PDSS2: variants seen among roughly 807,000 people sequenced by gnomAD.
PDSS2 encodes the protein decaprenyl diphosphate synthase subunit 2.
Under a neutral mutation model 44.5 loss-of-function variants are expected in PDSS2, and 31 were observed. That is an observed-to-expected ratio of 0.70 (90% CI 0.52 to 0.94). The LOEUF is 0.94. Ranked by LOEUF, PDSS2 falls within the 40% of genes least tolerant of loss-of-function variation. The pLI is 0.00. For missense variants in PDSS2, 452 were observed against 482.2 expected (o/e 0.94, Z 0.59); for synonymous variants, 157 against 180.3 (o/e 0.87, Z 1.03).
chr6:107,397,983 C>A (rs1780000241), intron 1 of PDSS2, among the ~76,000 whole-genome samples: 1 of 152,116 alleles, frequency 6.6e-6, no homozygotes. Context: ...GGTAAAAAAA[C>A]CCACTCAAAA....
chr6:107,401,491 A>G (rs1480224683), intron 1 of PDSS2, among the ~76,000 whole-genome samples: 1 of 152,352 alleles, frequency 6.6e-6, no homozygotes, highest in Non-Finnish European at 1.5e-5. Flanking sequence ...AGGAATCAGC[A>G]TAACACTGAA....
chr6:107,363,749 T>C (rs1024684426), intron 1 of PDSS2, among the ~76,000 whole-genome samples: 5 of 152,194 alleles, frequency 3.3e-5, no homozygotes, highest in Admixed American at 6.5e-5. Context: ...TAGAGCCGAG[T>C]GGCCTGTTTT....
chr6:107,156,196 C>CTTT (rs11447270), intron 7 of PDSS2, among the ~76,000 whole-genome samples: 4,080 of 117,928 alleles, frequency 0.035, 208 homozygotes, highest in Non-Finnish European at 0.05. Context: ...GGCCTGAATG[C>CTTT]TTTTTTTTTT....
intron 4 of PDSS2, among the ~76,000 whole-genome samples, chr6:107,228,812 G>A (rs919729880): frequency 5.3e-5 from 8 of 152,076 alleles, no homozygotes; most frequent in Non-Finnish European, 1.5e-5. Flanking sequence ...TGCATCAAAC[G>A]ATTTATGACT....
chr6:107,255,418 C>T (rs1325652434), intron 3 of PDSS2, among the ~76,000 whole-genome samples: 1 of 151,862 alleles, frequency 6.6e-6, no homozygotes, highest in Non-Finnish European at 1.5e-5. Flanking sequence ...TCTCAAACTC[C>T]TAGCCTCAGG....
chr6:107,403,881 T>C lies in PDSS2; in HGVS notation c.296+55109A>G, dbSNP rs528545388. Among the ~76,000 whole-genome samples the C allele has an allele frequency of 4.6e-5, 7 of 152,348 alleles. No individual in the cohort carries two copies. In the East Asian group the frequency reaches 1.3e-3, roughly 29 times the overall value. On this transcript the variant is annotated intron_variant, in intron 1 of 7. Coordinates refer to ENST00000369037, the MANE Select transcript of PDSS2 (RefSeq NM_020381.4). ...GGGGCTCTCCAGAAGGTCTCTGATA[T>C]GTCCTGGAGCCATTTTCCCCATTGT...
intron 2 of PDSS2, among the ~76,000 whole-genome samples, chr6:107,291,551 CG>C (rs71012792): frequency 1.1e-4 from 16 of 144,172 alleles, no homozygotes; most frequent in Admixed American, 2.8e-4. Flanking sequence ...TAAGTAGAGA[CG>C]GGGGGGTCTC....
chr6:107,373,922 A>C (rs1779202001), intron 1 of PDSS2, among the ~76,000 whole-genome samples: 1 of 152,150 alleles, frequency 6.6e-6, no homozygotes, highest in African/African-American at 2.4e-5. Flanking sequence ...CAAATGAGTA[A>C]GATTTTCTCT....
chr6:107,394,443 A>C (rs1201486166), intron 1 of PDSS2, among the ~76,000 whole-genome samples: 1 of 152,132 alleles, frequency 6.6e-6, no homozygotes, highest in Non-Finnish European at 1.5e-5. Flanking sequence ...GGAGCAGGGG[A>C]GGGAGGAGGT....
At chr6:107,226,594 A>T (rs1188565654) in intron 4 of PDSS2, among the ~76,000 whole-genome samples, 3 of 152,008 alleles carry the variant, frequency 2.0e-5, no homozygotes, top group African/African-American at 7.2e-5. Flanking sequence ...TGAGAATGGT[A>T]GAAAGTGAGG....
chr6:107,438,854 T>C (rs1352025578), intron 1 of PDSS2, among the ~76,000 whole-genome samples: 1 of 152,138 alleles, frequency 6.6e-6, no homozygotes, highest in Non-Finnish European at 1.5e-5. Flanking sequence ...GGAGATGAAG[T>C]TCTAATTCAA....
Position 107,162,494 on chromosome 6 carries a change from C to CAAAA in PDSS2, c.1042-7721_1042-7718dup, listed in dbSNP as rs374615595. Among the ~76,000 whole-genome samples, 205 of 58,484 alleles carry CAAAA rather than the reference C, an allele frequency of 3.5e-3. 4 individuals carry two copies. The highest frequency in any genetic ancestry group is 4.9e-3 in the Non-Finnish European group (159 of 32,292). The allele number at this position is 58,484 out of a possible 152,430, so 38.4% of individuals were successfully genotyped here. On this transcript the variant is annotated intron_variant, in intron 7 of 7. Transcript: ENST00000369037. ...GGTGACAGAGTGAGTGAGACCATCT[C>CAAAA]AAAAAAAAAAAAAAAAAAAAAAGGA...
intron 2 of PDSS2, among the ~76,000 whole-genome samples, chr6:107,294,068 G>A (rs554280395): frequency 1.5e-4 from 23 of 152,244 alleles, no homozygotes; most frequent in African/African-American, 5.3e-4. Flanking sequence ...AGCACTGTAG[G>A]AGGGAAATGT....
At chr6:107,177,530 C>T (rs956712586) in intron 7 of PDSS2, among the ~76,000 whole-genome samples, 21 of 152,144 alleles carry the variant, frequency 1.4e-4, no homozygotes, top group Admixed American at 3.9e-4. Flanking sequence ...GGATTAATTT[C>T]ACAGGAAAAG....
intron 3 of PDSS2, among the ~76,000 whole-genome samples, chr6:107,247,152 C>T (rs1054760930): frequency 3.3e-5 from 5 of 152,182 alleles, no homozygotes; most frequent in Admixed American, 2.0e-4. Context: ...CAAGCAACAT[C>T]CCAAGATCCC....
At chr6:107,191,697 T>C (rs1390892683) in intron 7 of PDSS2, among the ~76,000 whole-genome samples, 1 of 152,160 alleles carries the variant, frequency 6.6e-6, no homozygotes, top group African/African-American at 2.4e-5. Context: ...CTGAAACCTC[T>C]GCTCCCAGGC....
intron 4 of PDSS2, chr6:107,229,875 G>C (rs1773979385): frequency 5.2e-6 from 1 of 190,878 alleles, no homozygotes; most frequent in Admixed American, 4.8e-5. Flanking sequence ...CAGTACCTAA[G>C]GCAGAAATTC....
chr6:107,310,477 T>C (rs1407739043), intron 2 of PDSS2, among the ~76,000 whole-genome samples: 1 of 152,146 alleles, frequency 6.6e-6, no homozygotes, highest in East Asian at 1.9e-4. Context: ...GGACGCTTTA[T>C]CTGCATATTA....
chr6:107,423,787 CAT>C (rs1305232883), intron 1 of PDSS2, among the ~76,000 whole-genome samples: 1 of 152,100 alleles, frequency 6.6e-6, no homozygotes, highest in African/African-American at 2.4e-5. Context: ...TCAAAAGTAA[CAT>C]AATACTACCA....
Sources: gnomAD v4.1 joint callset for allele counts (sites outside exome capture counted in the v4.1 genomes callset) on GRCh38, gnomAD v4.1.1 for gene constraint, MANE v1.5 for transcripts, NCBI Gene and HGNC (gene_info 2026-07-23, HGNC 2026-07-21) for gene names.